PTPRT: variants seen among roughly 807,000 people sequenced by gnomAD.
The protein encoded by PTPRT is protein tyrosine phosphatase receptor type T, also known as receptor-type tyrosine-protein phosphatase T.
Under a neutral mutation model 176.8 loss-of-function variants are expected in PTPRT, and 56 were observed. The ratio of observed to expected loss-of-function variants is 0.32; its 90% confidence interval spans 0.26 to 0.40. The LOEUF is 0.40. PTPRT is among the 10% of genes least tolerant of loss of function. PTPRT has a pLI of 1.00. For missense variants in PTPRT, 1,540 were observed against 1,908.2 expected (o/e 0.81, Z 3.60); for synonymous variants, 783 against 739.0 (o/e 1.06, Z -0.96).
At chr20:42,851,823 G>T (rs1600474180) in intron 2 of PTPRT, among the ~76,000 whole-genome samples, 1 of 152,266 alleles carries the variant, frequency 6.6e-6, no homozygotes, top group South Asian at 2.1e-4. Context: ...ACCAGATTTG[G>T]CCTGTACACC....
chr20:42,722,693 A>G (rs932005674), intron 6 of PTPRT, among the ~76,000 whole-genome samples: 1 of 152,176 alleles, frequency 6.6e-6, no homozygotes, highest in South Asian at 2.1e-4. Context: ...GAGATATTCT[A>G]TATCCACACT....
At chr20:43,012,053 T>C (rs909123512) in intron 1 of PTPRT, among the ~76,000 whole-genome samples, 3 of 152,224 alleles carry the variant, frequency 2.0e-5, no homozygotes, top group African/African-American at 7.2e-5. Flanking sequence ...TTCCCTACTT[T>C]TGAGGTTTTA....
In PTPRT at chr20:42,116,716, C is replaced by A. The variant is rs555278737; in HGVS notation, c.2983-1401G>T. On this transcript the variant is annotated intron_variant, in intron 21 of 30. Transcript: ENST00000373187. ...ATGGGGCCAGGATGCAAACCCAGGGCACTTGAATAATAACTAGGAACATGG... is the reference window on the plus strand; with the variant it reads ...ATGGGGCCAGGATGCAAACCCAGGGAACTTGAATAATAACTAGGAACATGG... 1.9e-4 allele frequency among the ~76,000 whole-genome samples: 29 copies of A among 152,246 alleles called. 1 individual carries two copies. Among genetic ancestry groups the A allele is most frequent in the African/African-American group, 7.0e-4 (29 of 41,544 alleles).
chr20:42,929,687 A>C (rs1188074719), intron 1 of PTPRT, among the ~76,000 whole-genome samples: 2 of 152,250 alleles, frequency 1.3e-5, no homozygotes, highest in African/African-American at 4.8e-5. Context: ...CCTCATTCTC[A>C]CAGCCCTCAG....
intron 9 of PTPRT, among the ~76,000 whole-genome samples, chr20:42,408,540 T>C (rs1368681515): frequency 6.6e-6 from 1 of 151,876 alleles, no homozygotes; most frequent in African/African-American, 2.4e-5. Flanking sequence ...ATATGAAGAA[T>C]GATCACTTCA....
chr20:42,992,440 A>G lies in PTPRT; in HGVS notation c.89-106508T>C, dbSNP rs576289097. On this transcript the variant is annotated intron_variant, in intron 1 of 30. Transcript: ENST00000373187. ...CTATTGGTGCTCAGTCTATTGGGCC[A>G]GTAAGCTGGCCCAGGAAGCAAGGAA... 2.0e-5 allele frequency among the ~76,000 whole-genome samples: 3 copies of G among 152,378 alleles called. No individual in the cohort carries two copies. The East Asian group carries it at 5.8e-4, about 29-fold the overall frequency.
intron 2 of PTPRT, among the ~76,000 whole-genome samples, chr20:42,841,633 AC>A (rs2078279815): frequency 6.6e-6 from 1 of 151,484 alleles, no homozygotes; most frequent in Admixed American, 6.6e-5. Context: ...ACACACACAC[AC>A]ACACACACAC....
intron 9 of PTPRT, among the ~76,000 whole-genome samples, chr20:42,413,063 T>C (rs1027863108): frequency 2.0e-5 from 3 of 152,102 alleles, no homozygotes; most frequent in South Asian, 2.1e-4. Context: ...CTTAAACACA[T>C]ACAAAATTAT....
intron 13 of PTPRT, among the ~76,000 whole-genome samples, chr20:42,272,988 C>T (rs2056965112): frequency 6.6e-6 from 1 of 152,196 alleles, no homozygotes; most frequent in Non-Finnish European, 1.5e-5. Context: ...AGTGATCACA[C>T]ATTCTGAAAT....
intron 10 of PTPRT, 100 bp from the exon 11 acceptor site, chr20:42,350,830 G>A (rs944380306): frequency 2.2e-6 from 2 of 890,614 alleles, no homozygotes; most frequent in African/African-American, 3.3e-5. Context: ...CATGGATAGA[G>A]GGAGGACGTT....
chr20:42,341,739 T>C (rs976745610), intron 11 of PTPRT, among the ~76,000 whole-genome samples: 1 of 152,162 alleles, frequency 6.6e-6, no homozygotes, highest in African/African-American at 2.4e-5. Flanking sequence ...AAATAGTCCC[T>C]ATGGTAGGAG....
At chr20:42,320,362 C>A (rs938653828) in intron 11 of PTPRT, among the ~76,000 whole-genome samples, 4 of 152,156 alleles carry the variant, frequency 2.6e-5, no homozygotes, top group African/African-American at 9.7e-5. Flanking sequence ...GACCAGGGAC[C>A]TATCAGAGCC....
intron 16 of PTPRT, among the ~76,000 whole-genome samples, chr20:42,197,013 T>C (rs1991246564): frequency 6.6e-6 from 1 of 151,960 alleles, no homozygotes; most frequent in South Asian, 2.1e-4. Flanking sequence ...GTAACCTGAA[T>C]GTTATCATGA....
At chr20:42,963,088 T>A (rs533761212) in intron 1 of PTPRT, among the ~76,000 whole-genome samples, 1 of 152,232 alleles carries the variant, frequency 6.6e-6, no homozygotes, top group East Asian at 1.9e-4. Context: ...TAGTTCCAGC[T>A]ACTCGGGAGG....
intron 7 of PTPRT, among the ~76,000 whole-genome samples, chr20:42,593,435 T>C (rs1037829190): frequency 6.6e-6 from 1 of 152,208 alleles, no homozygotes; most frequent in African/African-American, 2.4e-5. Flanking sequence ...GCCTTCTTAA[T>C]AGATGTGTTA....
intron 7 of PTPRT, among the ~76,000 whole-genome samples, chr20:42,536,867 C>T (rs534453919): frequency 6.6e-6 from 1 of 152,258 alleles, no homozygotes; most frequent in East Asian, 1.9e-4. Flanking sequence ...ATCAATTTGG[C>T]AAGACCTATA....
chr20:42,883,716 A>ATG (rs2079047238), intron 2 of PTPRT, among the ~76,000 whole-genome samples: 1 of 135,596 alleles, frequency 7.4e-6, no homozygotes. Flanking sequence ...CCCCATACAC[A>ATG]CACACCCATA....
At chr20:42,548,618 A>G (rs1196073657) in intron 7 of PTPRT, among the ~76,000 whole-genome samples, 1 of 152,166 alleles carries the variant, frequency 6.6e-6, no homozygotes, top group Non-Finnish European at 1.5e-5. Context: ...CATAAATCAA[A>G]GCACTGAGGA....
chr20:42,842,039 A>T (rs989263043), intron 2 of PTPRT, among the ~76,000 whole-genome samples: 6 of 152,216 alleles, frequency 3.9e-5, no homozygotes, highest in African/African-American at 1.2e-4. Flanking sequence ...GTAATTTTTA[A>T]AAAAAATTCC....
Sources: gnomAD v4.1 joint callset for allele counts (sites outside exome capture counted in the v4.1 genomes callset) on GRCh38, gnomAD v4.1.1 for gene constraint, MANE v1.5 for transcripts, NCBI Gene and HGNC (gene_info 2026-07-23, HGNC 2026-07-21) for gene names.